Variants in FAM47E observed in about 807,000 individuals in gnomAD.
The protein encoded by FAM47E is protein FAM47E.
FAM47E carries 32 observed loss-of-function variants against 41.6 expected under a neutral mutation model. That is an observed-to-expected ratio of 0.77 (90% CI 0.58 to 1.03). The LOEUF is 1.03. FAM47E is among the 50% of genes least tolerant of loss of function. The pLI is 0.00. For missense variants in FAM47E, 424 were observed against 485.4 expected (o/e 0.87, Z 1.19); for synonymous variants, 184 against 188.7 (o/e 0.98, Z 0.20).
At chr4:76,215,027 C>T (rs1359563109) in intron 1 of FAM47E, among the ~76,000 whole-genome samples, 1 of 152,224 alleles carries the variant, frequency 6.6e-6, no homozygotes, top group African/African-American at 2.4e-5. Context: ...TGGGCTTGTC[C>T]CAGAAGTCTG....
intron 2 of FAM47E, among the ~76,000 whole-genome samples, chr4:76,258,186 G>T (rs1272210512): frequency 6.6e-6 from 1 of 152,144 alleles, no homozygotes; most frequent in Non-Finnish European, 1.5e-5. Flanking sequence ...ATCTTTTATG[G>T]TGCTAAGGTG....
At chr4:76,216,647 T>G (rs1178529150) in intron 1 of FAM47E, among the ~76,000 whole-genome samples, 2 of 152,212 alleles carry the variant, frequency 1.3e-5, no homozygotes, top group African/African-American at 4.8e-5. Flanking sequence ...GGTTTACAGC[T>G]CAAGTTGCCC....
chr4:76,239,722 A>T (rs1485505265), intron 2 of FAM47E, among the ~76,000 whole-genome samples: 2 of 152,150 alleles, frequency 1.3e-5, no homozygotes, highest in Non-Finnish European at 2.9e-5. Flanking sequence ...ACAAAATTTT[A>T]AAATTGTAAT....
At chr4:76,254,831 G>A (rs1475509625) in intron 1 of FAM47E, among the ~76,000 whole-genome samples, 5 of 152,144 alleles carry the variant, frequency 3.3e-5, no homozygotes, top group South Asian at 2.1e-4. Flanking sequence ...TTTGGTGTTC[G>A]CTGGTTGTGT....
At chr4:76,269,326 T>A (rs1426010605) in intron 4 of FAM47E, 2 of 151,872 alleles carry the variant, frequency 1.3e-5, no homozygotes, top group Non-Finnish European at 2.9e-5. Flanking sequence ...GTAAAAAATA[T>A]AAAAATTAGG....
chr4:76,223,901 G>T (rs979791261), intron 2 of FAM47E, among the ~76,000 whole-genome samples: 1 of 152,146 alleles, frequency 6.6e-6, no homozygotes, highest in African/African-American at 2.4e-5. Flanking sequence ...GGACATTCAG[G>T]CTTGATCTTT....
intron 2 of FAM47E, among the ~76,000 whole-genome samples, chr4:76,243,520 T>C (rs1733755286): frequency 6.6e-6 from 1 of 152,202 alleles, no homozygotes; most frequent in South Asian, 2.1e-4. Flanking sequence ...TGTATCTCAT[T>C]GCCACCAAGT....
chr4:76,259,560 T>C (rs1467299337), intron 2 of FAM47E, among the ~76,000 whole-genome samples: 1 of 152,216 alleles, frequency 6.6e-6, no homozygotes, highest in Non-Finnish European at 1.5e-5. Flanking sequence ...TTATAATCAC[T>C]TATTTGAAGA....
chr4:76,237,456 AT>A (rs1388578926), intron 2 of FAM47E, among the ~76,000 whole-genome samples: 1 of 151,620 alleles, frequency 6.6e-6, no homozygotes, highest in African/African-American at 2.4e-5. Flanking sequence ...CTCAGAGTTA[AT>A]TTTAGTCCTT....
At chr4:76,228,593 CTTAT>C (rs1733441228) in intron 2 of FAM47E, among the ~76,000 whole-genome samples, 1 of 152,004 alleles carries the variant, frequency 6.6e-6, no homozygotes, top group East Asian at 1.9e-4. Context: ...TACTTTATCT[CTTAT>C]TTATTTATGA....
intron 2 of FAM47E, among the ~76,000 whole-genome samples, chr4:76,217,995 T>C (rs1188500948): frequency 6.6e-6 from 1 of 152,254 alleles, no homozygotes; most frequent in African/African-American, 2.4e-5. Flanking sequence ...TTGTATACTT[T>C]TATGTTCAAA....
At chr4:76,239,001 G>C (rs1260465509) in intron 2 of FAM47E, among the ~76,000 whole-genome samples, 2 of 152,060 alleles carry the variant, frequency 1.3e-5, no homozygotes, top group Non-Finnish European at 2.9e-5. Flanking sequence ...TTGCCTTTTT[G>C]TTATTGTCTC....
chr4:76,263,686 A>T lies in FAM47E; in HGVS notation c.421-18A>T, dbSNP rs1384860767. 6.5e-7 allele frequency: 1 copy of T among 1,547,588 alleles called. No homozygotes were observed. Among genetic ancestry groups the T allele is most frequent in the Non-Finnish European group, 8.7e-7 (1 of 1,145,536 alleles). ...CAGCATGTTTTTCTTTTCCTCTAAGACTATTTTCTGTTTGTAGCTCTTATC... is the reference window on the plus strand; with the variant it reads ...CAGCATGTTTTTCTTTTCCTCTAAGTCTATTTTCTGTTTGTAGCTCTTATC... On this transcript the variant is annotated intron_variant, in intron 2 of 7. Transcript: ENST00000424749.
chr4:76,244,654 C>T (rs1733786722), intron 2 of FAM47E, among the ~76,000 whole-genome samples: 1 of 150,466 alleles, frequency 6.6e-6, no homozygotes, highest in Non-Finnish European at 1.5e-5. Flanking sequence ...GATTCTCCTG[C>T]CTCAGCCTCC....
At chr4:76,228,832 A>T (rs1733445363) in intron 2 of FAM47E, among the ~76,000 whole-genome samples, 1 of 152,196 alleles carries the variant, frequency 6.6e-6, no homozygotes, top group Non-Finnish European at 1.5e-5. Flanking sequence ...GTGCCCAGGT[A>T]ATGATCTTTT....
chr4:76,238,448 G>A (rs1350898522), intron 2 of FAM47E, among the ~76,000 whole-genome samples: 1 of 152,160 alleles, frequency 6.6e-6, no homozygotes, highest in Non-Finnish European at 1.5e-5. Context: ...ATCCTGCCAG[G>A]GTGCTGGTGA....
intron 4 of FAM47E, among the ~76,000 whole-genome samples, chr4:76,269,844 T>C (rs936952095): frequency 6.6e-6 from 1 of 152,034 alleles, no homozygotes; most frequent in Non-Finnish European, 1.5e-5. Context: ...AGGTCTTCCC[T>C]TGTGCGCCTT....
intron 2 of FAM47E, among the ~76,000 whole-genome samples, chr4:76,262,653 A>G (rs968287038): frequency 2.6e-5 from 4 of 152,218 alleles, no homozygotes; most frequent in Admixed American, 6.5e-5. Context: ...AACTTCATCA[A>G]TGAATGAAGA....
chr4:76,230,624 T>G (rs996331338), intron 2 of FAM47E, among the ~76,000 whole-genome samples: 1 of 152,212 alleles, frequency 6.6e-6, no homozygotes, highest in African/African-American at 2.4e-5. Context: ...CTTCTCTTCC[T>G]AGCAGATATC....
Sources: gnomAD v4.1 joint callset for allele counts (sites outside exome capture counted in the v4.1 genomes callset) on GRCh38, gnomAD v4.1.1 for gene constraint, MANE v1.5 for transcripts, NCBI Gene and HGNC (gene_info 2026-07-23, HGNC 2026-07-21) for gene names.